The following THSD4 variants were observed in gnomAD, a reference collection of about 807,000 sequenced individuals.
THSD4 encodes the protein thrombospondin type-1 domain-containing protein 4.
In THSD4, 69 loss-of-function variants were observed where a neutral mutation model predicts 119.0. The observed-to-expected ratio is 0.58, with a 90% CI of 0.48 to 0.71. The LOEUF (loss-of-function observed/expected upper bound fraction) is 0.71. THSD4 is among the 30% of genes least tolerant of loss of function. The pLI is 0.00. For missense variants in THSD4, 1,393 were observed against 1,391.1 expected (o/e 1.00, Z -0.02); for synonymous variants, 524 against 540.4 (o/e 0.97, Z 0.42).
chr15:71,510,755 T>C (rs926643822), intron 7 of THSD4, among the ~76,000 whole-genome samples: 1 of 152,224 alleles, frequency 6.6e-6, no homozygotes, highest in Non-Finnish European at 1.5e-5. Context: ...ATAAACCTCA[T>C]GCTTAACAAC....
At chr15:71,278,300 ATCCTCACACC>A (rs2044614537) in intron 6 of THSD4, among the ~76,000 whole-genome samples, 1 of 152,086 alleles carries the variant, frequency 6.6e-6, no homozygotes, top group African/African-American at 2.4e-5. Context: ...GGGGTCAGTG[ATCCTCACACC>A]TCAGCCTCCC....
chr15:71,513,059 A>G (rs1052118697), intron 7 of THSD4, among the ~76,000 whole-genome samples: 7 of 152,274 alleles, frequency 4.6e-5, no homozygotes, highest in African/African-American at 1.2e-4. Flanking sequence ...AATGATAATC[A>G]TGACACAGCT....
chr15:71,380,288 C>G (rs1450484785), intron 6 of THSD4, among the ~76,000 whole-genome samples: 3 of 152,096 alleles, frequency 2.0e-5, no homozygotes, highest in Non-Finnish European at 4.4e-5. Context: ...ATTGGTGCCA[C>G]TCTCTGTCGT....
At chr15:71,171,281 G>T (rs539448011) in intron 3 of THSD4, among the ~76,000 whole-genome samples, 6 of 152,042 alleles carry the variant, frequency 3.9e-5, no homozygotes, top group African/African-American at 1.4e-4. Flanking sequence ...AATTTAAAAA[G>T]CCCTTAGAAA....
intron 7 of THSD4, among the ~76,000 whole-genome samples, chr15:71,457,273 T>C (rs1292237832): frequency 6.6e-6 from 1 of 150,724 alleles, no homozygotes; most frequent in Non-Finnish European, 1.5e-5. Flanking sequence ...GTGCCAGCTT[T>C]GGAAGGCTAG....
intron 7 of THSD4, among the ~76,000 whole-genome samples, chr15:71,631,701 G>C (rs1281130308): frequency 6.6e-6 from 1 of 152,210 alleles, no homozygotes; most frequent in East Asian, 1.9e-4. Context: ...CCTTGGCTAC[G>C]CGGTTCCAGT....
intron 7 of THSD4, among the ~76,000 whole-genome samples, chr15:71,445,540 T>C (rs1165906355): frequency 6.6e-6 from 1 of 152,180 alleles, no homozygotes; most frequent in African/African-American, 2.4e-5. Flanking sequence ...TATCCCCTCA[T>C]CTCACAACCT....
intron 8 of THSD4, among the ~76,000 whole-genome samples, chr15:71,662,005 G>T (rs1219949730): frequency 6.6e-6 from 1 of 152,118 alleles, no homozygotes; most frequent in Non-Finnish European, 1.5e-5. Context: ...GGTGGAGCTG[G>T]GGTTCAGACC....
At position 71,429,753 on chromosome 15, in the gene THSD4, GA is replaced by G. The variant is rs199762593; in HGVS notation, c.1152+17934del. On this transcript the variant is annotated intron_variant, in intron 7 of 17. Transcript: ENST00000261862. ...CAGATGAGCTAGTGACTGTGGAGAG[GA>G]AAATAGAGTTAGTAGCTGAATGGTA... Among the ~76,000 whole-genome samples the G allele has an allele frequency of 7.7e-3, 1,179 of 152,292 alleles. 4 individuals are homozygous for G. The highest frequency in any genetic ancestry group is 0.034 in the Middle Eastern group (10 of 294).
intron 7 of THSD4, among the ~76,000 whole-genome samples, chr15:71,594,515 G>T (rs1415062846): frequency 1.3e-5 from 2 of 152,100 alleles, no homozygotes; most frequent in Non-Finnish European, 2.9e-5. Flanking sequence ...CTCTGCCTGA[G>T]CTCCAGAGTA....
intron 1 of THSD4, among the ~76,000 whole-genome samples, chr15:71,119,737 T>G (rs1048021577): frequency 6.6e-6 from 1 of 152,220 alleles, no homozygotes; most frequent in African/African-American, 2.4e-5. Flanking sequence ...ACCCCCCGAA[T>G]AGGGCTGGAC....
chr15:71,601,974 C>G (rs1393000434), intron 7 of THSD4, among the ~76,000 whole-genome samples: 1 of 152,066 alleles, frequency 6.6e-6, no homozygotes, highest in Non-Finnish European at 1.5e-5. Flanking sequence ...CTTAGGAAAA[C>G]CATGTGAAAA....
rs1438844023 is a variant in THSD4 at position 71,777,674 on chromosome 15, C to G, written c.*300C>G. On this transcript the variant is annotated 3_prime_UTR_variant, in exon 18 of 18. Coordinates refer to ENST00000261862, the MANE Select transcript of THSD4 (RefSeq NM_024817.3). ...AGCAGTGGGAAGTACATGGAGCTCT[C>G]AGCCCTGCTCCCATCTGGCACCTTC... 7.9e-6 allele frequency: 3 copies of G among 377,648 alleles called. No homozygotes were observed. The highest frequency in any genetic ancestry group is 1.5e-5 in the Non-Finnish European group (3 of 201,114). 23.4% of individuals were successfully genotyped at this position (377,648 alleles called of 1,614,324 possible).
rs576175598 is a variant in THSD4, at chr15:71,266,866, T to C, written c.1015+10151T>C. 4.6e-5 allele frequency among the ~76,000 whole-genome samples: 7 copies of C among 151,814 alleles called. No individual in the cohort carries two copies. The East Asian group carries it at 1.4e-3, about 30-fold the overall frequency. ...CAAGCAGAAGAAAGGATGTCAGAGA[T>C]TGAAGATCAACTTAATGAAATTACA... On this transcript the variant is annotated intron_variant, in intron 6 of 17. Transcript: ENST00000261862.
intron 3 of THSD4, among the ~76,000 whole-genome samples, chr15:71,158,539 C>G (rs1442124426): frequency 6.6e-6 from 1 of 152,118 alleles, no homozygotes; most frequent in Non-Finnish European, 1.5e-5. Context: ...TTGCATTTCC[C>G]TGATGATCAG....
chr15:71,341,122 T>C, intron 6 of THSD4: 1 of 1,346,324 alleles, frequency 7.4e-7, no homozygotes, highest in Admixed American at 1.8e-5. Context: ...CTCCCTTTTT[T>C]TTTTCCTTTT....
chr15:71,748,732 T>C, intron 14 of THSD4, 138 bp downstream of exon 14: 48 of 984,982 alleles, frequency 4.9e-5, no homozygotes, highest in Non-Finnish European at 5.8e-5. Context: ...CAGAGAGGAA[T>C]TATCGTAGGC....
chr15:71,404,504 T>G (rs1454254559), intron 6 of THSD4, among the ~76,000 whole-genome samples: 1 of 152,256 alleles, frequency 6.6e-6, no homozygotes, highest in Non-Finnish European at 1.5e-5. Flanking sequence ...GAGAGACATT[T>G]CAGTTTCCCC....
At chr15:71,647,434 T>C (rs1480915772) in intron 7 of THSD4, among the ~76,000 whole-genome samples, 1 of 152,198 alleles carries the variant, frequency 6.6e-6, no homozygotes, top group African/African-American at 2.4e-5. Flanking sequence ...GTTTAAACAT[T>C]TCAGCCAAAT....
Sources: gnomAD v4.1 joint callset for allele counts (sites outside exome capture counted in the v4.1 genomes callset) on GRCh38, gnomAD v4.1.1 for gene constraint, MANE v1.5 for transcripts, NCBI Gene and HGNC (gene_info 2026-07-23, HGNC 2026-07-21) for gene names.